TMEM135: variants seen among roughly 807,000 people sequenced by gnomAD.
The protein encoded by TMEM135 is peroxisomal membrane protein 52.
In TMEM135, 30 loss-of-function variants were observed where a neutral mutation model predicts 60.3. The ratio of observed to expected loss-of-function variants is 0.50; its 90% CI spans 0.37 to 0.68. TMEM135 has a LOEUF of 0.68. TMEM135 is among the 30% of genes least tolerant of loss of function. TMEM135 has a pLI of 0.00. For missense variants in TMEM135, 468 were observed against 548.8 expected (o/e 0.85, Z 1.47); for synonymous variants, 190 against 186.7 (o/e 1.02, Z -0.14).
chr11:87,242,678 TG>T (rs1418858550), intron 6 of TMEM135, among the ~76,000 whole-genome samples: 2 of 144,138 alleles, frequency 1.4e-5, no homozygotes, highest in African/African-American at 2.6e-5. Context: ...TGATATCCTT[TG>T]CCCACTTTTT....
chr11:87,092,438 T>A (rs1412833281), intron 4 of TMEM135, among the ~76,000 whole-genome samples: 1 of 152,158 alleles, frequency 6.6e-6, no homozygotes, highest in Non-Finnish European at 1.5e-5. Flanking sequence ...AAACTGCTCA[T>A]GTAAGGAATG....
intron 6 of TMEM135, among the ~76,000 whole-genome samples, chr11:87,287,334 T>A (rs1942184731): frequency 1.3e-5 from 2 of 152,212 alleles, no homozygotes; most frequent in African/African-American, 4.8e-5. Flanking sequence ...TTCCTTCTAG[T>A]TTAATGAGTA....
rs1192637204 is a variant in TMEM135 at position 87,150,602 on chromosome 11, A to G, written c.397-6739A>G. 2.0e-5 allele frequency among the ~76,000 whole-genome samples: 3 copies of G among 152,008 alleles called. No individual in the cohort carries two copies. In the South Asian group the frequency reaches 6.2e-4, roughly 32 times the overall value. On this transcript the variant is annotated intron_variant, in intron 4 of 14. Coordinates refer to ENST00000305494, the MANE Select transcript of TMEM135 (RefSeq NM_022918.4). ...GAGCCATTGTACAACTTTTCTTGCTACCTTATGTTTTTTTCATAGTTAATA... is the reference window on the plus strand; with the variant it reads ...GAGCCATTGTACAACTTTTCTTGCTGCCTTATGTTTTTTTCATAGTTAATA...
chr11:87,215,363 G>A (rs1375331235), intron 5 of TMEM135, among the ~76,000 whole-genome samples: 2 of 152,182 alleles, frequency 1.3e-5, no homozygotes, highest in Non-Finnish European at 2.9e-5. Flanking sequence ...CTGTGAGTCA[G>A]TAATTTGGTC....
At chr11:87,204,253 A>T (rs1305821497) in intron 5 of TMEM135, among the ~76,000 whole-genome samples, 1 of 151,210 alleles carries the variant, frequency 6.6e-6, no homozygotes, top group African/African-American at 2.4e-5. Flanking sequence ...GAATGAATGA[A>T]ATGAATATTC....
rs1942934714 is a variant in TMEM135, at chr11:87,327,757, A to T, written c.*6424A>T. 2 of 453,872 alleles carry T rather than the reference A, an allele frequency of 4.4e-6. No homozygotes were observed. Among genetic ancestry groups the T allele is most frequent in the South Asian group, 3.1e-5 (2 of 64,464 alleles). 28.1% of individuals were successfully genotyped at this position (453,872 alleles called of 1,614,324 possible). A position where few individuals can be genotyped will look rare whatever the true frequency, so the allele number is the denominator to read the frequency against. On this transcript the variant is annotated 3_prime_UTR_variant, in exon 15 of 15. Coordinates refer to ENST00000305494, the MANE Select transcript of TMEM135 (RefSeq NM_022918.4). The stretch of plus-strand genomic sequence containing the variant: ...CAAGGCTGAATTTTCAAGTCTGAGA[A>T]CCTGGGGGTGGGATGGGGGAGTGAT...
In TMEM135 at chr11:87,128,143, G is replaced by C. The variant is rs566611399; in HGVS notation, c.397-29198G>C. 3.3e-5 allele frequency among the ~76,000 whole-genome samples: 5 copies of C among 152,164 alleles called. No homozygotes were observed. The South Asian group carries it at 1.0e-3, about 32-fold the overall frequency. On this transcript the variant is annotated intron_variant, in intron 4 of 14. Transcript: ENST00000305494. ...AGTGGTATGGTCTAGTAAAACACTT[G>C]GTTTCTAACCTTAATTTTCTGTTAA...
At chr11:87,278,893 C>T (rs2135418321) in intron 6 of TMEM135, among the ~76,000 whole-genome samples, 1 of 152,238 alleles carries the variant, frequency 6.6e-6, no homozygotes, top group Admixed American at 6.5e-5. Context: ...TGGATCTGCT[C>T]TCTGTCACTT....
chr11:87,059,878 G>C (rs757286781), intron 1 of TMEM135, among the ~76,000 whole-genome samples: 1 of 152,198 alleles, frequency 6.6e-6, no homozygotes, highest in South Asian at 2.1e-4. Flanking sequence ...CACTTTGTGA[G>C]GCCAAAGCAG....
chr11:87,056,261 G>A (rs1343140859), intron 1 of TMEM135, among the ~76,000 whole-genome samples: 1 of 152,112 alleles, frequency 6.6e-6, no homozygotes, highest in Non-Finnish European at 1.5e-5. Flanking sequence ...GGCTAGGAAT[G>A]CCTAATTTTC....
chr11:87,271,793 G>T (rs990040166), intron 6 of TMEM135, among the ~76,000 whole-genome samples: 35 of 151,734 alleles, frequency 2.3e-4, no homozygotes, highest in Non-Finnish European at 1.5e-4. Context: ...AAAAATACCT[G>T]AGCTTGGCAG....
Position 87,286,473 on chromosome 11 carries a change from G to A in TMEM135, c.510-9309G>A, listed in dbSNP as rs185278155. Among the ~76,000 whole-genome samples the A allele has an allele frequency of 4.2e-3, 637 of 152,314 alleles. 4 individuals carry two copies. The highest frequency in any genetic ancestry group is 0.014 in the African/African-American group (601 of 41,556). The stretch of plus-strand genomic sequence containing the variant: ...GCTGGCTTCGCCTAGTGGACCCTGC[G>A]CCAGGGCCACGGGCGGAGCTGCCTG... On this transcript the variant is annotated intron_variant, in intron 6 of 14. Transcript: ENST00000305494.
chr11:87,079,165 C>A (rs894709498), intron 3 of TMEM135, among the ~76,000 whole-genome samples: 6 of 151,972 alleles, frequency 3.9e-5, no homozygotes, highest in Non-Finnish European at 8.8e-5. Context: ...GCCACCACAC[C>A]CAGCCAATTT....
intron 4 of TMEM135, among the ~76,000 whole-genome samples, chr11:87,129,262 A>T (rs1937835029): frequency 3.5e-5 from 1 of 28,516 alleles, no homozygotes; most frequent in Admixed American, 4.3e-4. Flanking sequence ...TTTTTTTTTG[A>T]GACGGAGTCT....
At chr11:87,258,735 G>C (rs1484446647) in intron 6 of TMEM135, 1 of 419,996 alleles carries the variant, frequency 2.4e-6, no homozygotes, top group South Asian at 2.1e-5. Flanking sequence ...TTCCCACCAG[G>C]TTTAGATGGA....
At chr11:87,078,918 A>G (rs1369752424) in intron 3 of TMEM135, among the ~76,000 whole-genome samples, 2 of 151,936 alleles carry the variant, frequency 1.3e-5, no homozygotes, top group African/African-American at 4.8e-5. Context: ...CACTGTGCCC[A>G]GCCCGTTGTG....
intron 5 of TMEM135, among the ~76,000 whole-genome samples, chr11:87,185,247 G>C (rs1219899731): frequency 6.6e-6 from 1 of 152,034 alleles, no homozygotes; most frequent in Non-Finnish European, 1.5e-5. Flanking sequence ...CATTTTCCCA[G>C]TCACCTCTCT....
chr11:87,184,218 A>C (rs917138540), intron 5 of TMEM135, among the ~76,000 whole-genome samples: 1 of 152,230 alleles, frequency 6.6e-6, no homozygotes, highest in African/African-American at 2.4e-5. Context: ...TCAAAAAATT[A>C]AAGAATGGGT....
intron 4 of TMEM135, 26 bp downstream of exon 4, chr11:87,091,421 T>C (rs1290684979): frequency 6.8e-6 from 11 of 1,608,324 alleles, no homozygotes; most frequent in African/African-American, 1.3e-5. Flanking sequence ...TAACCTTTGA[T>C]GTCTTCCCAT....
Sources: allele counts gnomAD v4.1 joint callset (sites outside exome capture counted in the v4.1 genomes callset), GRCh38; gene constraint gnomAD v4.1.1; transcripts MANE v1.5; gene names NCBI Gene and HGNC (gene_info 2026-07-23, HGNC 2026-07-21).